The following NAV2 variants were observed in gnomAD, a reference collection of about 807,000 sequenced individuals.
NAV2 encodes neuron navigator 2, also known as helicase, APC down-regulated 1.
NAV2 carries 54 observed loss-of-function variants against 223.2 expected under a neutral mutation model. That is an observed-to-expected ratio of 0.24 (90% CI 0.19 to 0.30). The LOEUF (loss-of-function observed/expected upper bound fraction) is 0.30. NAV2 is among the 10% of genes least tolerant of loss of function. The probability of loss-of-function intolerance (pLI) is 1.00; values close to 1 mark genes in which losing one functional copy is unlikely to be tolerated. For missense variants in NAV2, 2,806 were observed against 3,147.5 expected, an observed-to-expected ratio of 0.89 and a Z score of 2.60; for synonymous variants, 1,279 against 1,239.3, an observed-to-expected ratio of 1.03 and a Z score of -0.67.
At chr11:19,436,022 C>T (rs1851202981) in intron 1 of NAV2, among the ~76,000 whole-genome samples, 1 of 152,020 alleles carries the variant, frequency 6.6e-6, no homozygotes, top group Admixed American at 6.6e-5. Context: ...TCTGTGTCGT[C>T]TCTTCATTCT....
At chr11:20,049,811 G>A in intron 15 of NAV2, 25 bp from the exon 16 acceptor site, 2 of 1,611,920 alleles carry the variant, frequency 1.2e-6, no homozygotes, top group South Asian at 1.1e-5. Flanking sequence ...TCCTTCTCTT[G>A]TTTTCTACCT....
chr11:19,877,634 G>A (rs968926233), intron 4 of NAV2, among the ~76,000 whole-genome samples: 3 of 151,556 alleles, frequency 2.0e-5, no homozygotes, highest in Non-Finnish European at 2.9e-5. Flanking sequence ...CACCACGCCC[G>A]GCTAATTTTT....
rs143031491 is a variant in NAV2 at position 19,867,716 on chromosome 11, G to A, written c.439-1209G>A. ...AGGATGGAGTAACTTCAAGCTCAGG[G>A]TTGAGTAGAGTGTATATTATGGGTG... On this transcript the variant is annotated intron_variant, in intron 3 of 37. Transcript: ENST00000349880. 8.8e-3 allele frequency among the ~76,000 whole-genome samples: 1,340 copies of A among 152,310 alleles called. 12 individuals are homozygous for A. Among genetic ancestry groups the A allele is most frequent in the Non-Finnish European group, 0.014 (929 of 68,026 alleles).
chr11:20,018,160 C>T (rs2054170463), intron 11 of NAV2, among the ~76,000 whole-genome samples: 1 of 152,018 alleles, frequency 6.6e-6, no homozygotes, highest in Admixed American at 6.6e-5. Flanking sequence ...TTGAGACCAG[C>T]CTGGCCAACA....
chr11:19,531,995 T>C (rs1280328216), intron 1 of NAV2, among the ~76,000 whole-genome samples: 2 of 151,972 alleles, frequency 1.3e-5, no homozygotes, highest in Non-Finnish European at 2.9e-5. Flanking sequence ...AAGGGAGTGA[T>C]AGAGGATAAA....
intron 1 of NAV2, among the ~76,000 whole-genome samples, chr11:19,607,349 C>T (rs2046506242): frequency 6.6e-6 from 1 of 152,218 alleles, no homozygotes; most frequent in Non-Finnish European, 1.5e-5. Flanking sequence ...TCTTGCTCTG[C>T]TAGGCCTGGG....
intron 11 of NAV2, among the ~76,000 whole-genome samples, chr11:19,996,445 C>T (rs904745218): frequency 6.6e-6 from 1 of 152,222 alleles, no homozygotes. Context: ...GTGGCTCAGG[C>T]TCAGGCCAAG....
At chr11:19,662,513 G>A (rs376688856) in intron 1 of NAV2, among the ~76,000 whole-genome samples, 1 of 152,222 alleles carries the variant, frequency 6.6e-6, no homozygotes, top group African/African-American at 2.4e-5. Context: ...CTACCTTTCA[G>A]CCTTTCAGAA....
intron 12 of NAV2, among the ~76,000 whole-genome samples, chr11:20,040,825 G>A (rs570760519): frequency 3.3e-5 from 5 of 152,234 alleles, no homozygotes; most frequent in African/African-American, 1.2e-4. Flanking sequence ...TGGTTCCGCT[G>A]TTGCGAGCTC....
intron 18 of NAV2, 82 bp from the exon 19 acceptor site, chr11:20,055,687 A>G (rs778700278): frequency 2.6e-5 from 33 of 1,255,718 alleles, no homozygotes; most frequent in Non-Finnish European, 3.6e-5. Context: ...GCTAAAAATA[A>G]GCAGTCTTCT....
At chr11:19,821,334 A>G (rs1192780874) in intron 1 of NAV2, among the ~76,000 whole-genome samples, 3 of 151,346 alleles carry the variant, frequency 2.0e-5, no homozygotes, top group Non-Finnish European at 2.9e-5. Flanking sequence ...TGGATGAAGC[A>G]GGCACCTACA....
intron 1 of NAV2, among the ~76,000 whole-genome samples, chr11:19,588,506 A>G (rs2045962095): frequency 6.6e-6 from 1 of 152,088 alleles, no homozygotes; most frequent in African/African-American, 2.4e-5. Flanking sequence ...CCATAGGCAG[A>G]GAAAAGGAAG....
chr11:20,076,076 C>A (rs1210764590), intron 22 of NAV2, among the ~76,000 whole-genome samples: 3 of 152,168 alleles, frequency 2.0e-5, no homozygotes, highest in Non-Finnish European at 4.4e-5. Context: ...AGTTCATAGA[C>A]CATTTTCACC....
chr11:19,816,502 T>G (rs1462063643), intron 1 of NAV2, among the ~76,000 whole-genome samples: 1 of 152,238 alleles, frequency 6.6e-6, no homozygotes, highest in Non-Finnish European at 1.5e-5. Flanking sequence ...GCAAGTGTGC[T>G]CATAGGTGCT....
chr11:19,494,781 A>C (rs2042740317), intron 1 of NAV2, among the ~76,000 whole-genome samples: 1 of 152,212 alleles, frequency 6.6e-6, no homozygotes. Flanking sequence ...CCTGCCCTAC[A>C]GGAGGAAGGC....
intron 1 of NAV2, among the ~76,000 whole-genome samples, chr11:19,467,018 C>CACACACACACACAG (rs982297137): frequency 1.5e-4 from 12 of 82,446 alleles, no homozygotes; most frequent in South Asian, 4.5e-4. Flanking sequence ...CACACACACA[C>CACACACACACACAG]AGAGAGAGAG....
At chr11:19,916,183 T>A (rs1453940121) in intron 6 of NAV2, among the ~76,000 whole-genome samples, 1 of 152,208 alleles carries the variant, frequency 6.6e-6, no homozygotes, top group African/African-American at 2.4e-5. Context: ...AATAAACTAA[T>A]GTTTTTGGTA....
At chr11:19,937,670 G>A (rs1346318680) in intron 7 of NAV2, among the ~76,000 whole-genome samples, 4 of 152,186 alleles carry the variant, frequency 2.6e-5, no homozygotes, top group African/African-American at 7.2e-5. Context: ...GGAGCTAGTC[G>A]AATATTTAGA....
chr11:19,426,017 G>T (rs1410676620), intron 1 of NAV2, among the ~76,000 whole-genome samples: 1 of 152,190 alleles, frequency 6.6e-6, no homozygotes, highest in Non-Finnish European at 1.5e-5. Flanking sequence ...GATTTAGCAA[G>T]ATATTATGGG....
Sources: gnomAD v4.1 joint callset for allele counts (sites outside exome capture counted in the v4.1 genomes callset) on GRCh38, gnomAD v4.1.1 for gene constraint, MANE v1.5 for transcripts, NCBI Gene and HGNC (gene_info 2026-07-23, HGNC 2026-07-21) for gene names.